The following CRYL1 variants were observed in gnomAD, a reference collection of about 807,000 sequenced individuals.
CRYL1 encodes crystallin lambda 1.
A neutral mutation model predicts 36.6 loss-of-function variants in CRYL1; 29 were observed. That is an observed-to-expected ratio of 0.79 (90% CI 0.59 to 1.08). The LOEUF is 1.08. Among genes scored for constraint, CRYL1 ranks in the 50% least tolerant of loss-of-function variants. CRYL1 has a pLI of 0.00. For synonymous variants in CRYL1, 152 were observed against 151.5 expected, an observed-to-expected ratio of 1.00 and a Z score of -0.02; for missense variants, 411 against 407.9, an observed-to-expected ratio of 1.01 and a Z score of -0.06.
chr13:20,522,220 C>T (rs9506507), intron 1 of CRYL1, among the ~76,000 whole-genome samples: 93,626 of 151,922 alleles, frequency 0.62, 33,026 homozygotes, highest in Non-Finnish European at 0.78. Context: ...AATGGTGGTT[C>T]GTGCCTGTAG....
chr13:20,427,465 C>G (rs895649308), intron 5 of CRYL1, among the ~76,000 whole-genome samples: 1 of 152,068 alleles, frequency 6.6e-6, no homozygotes, highest in Non-Finnish European at 1.5e-5. Context: ...GACAGGGGAG[C>G]GTCTCATAGC....
chr13:20,480,538 T>G (rs1028019150), intron 3 of CRYL1, among the ~76,000 whole-genome samples: 2 of 152,240 alleles, frequency 1.3e-5, no homozygotes, highest in African/African-American at 4.8e-5. Flanking sequence ...TCTAACATTC[T>G]GCTCCAGCAC....
intron 3 of CRYL1, among the ~76,000 whole-genome samples, chr13:20,448,850 A>G (rs1202956434): frequency 2.9e-5 from 4 of 139,254 alleles, no homozygotes; most frequent in Admixed American, 2.9e-4. Flanking sequence ...GTGATATCAG[A>G]CAGAAAATTG....
intron 3 of CRYL1, among the ~76,000 whole-genome samples, chr13:20,470,556 A>G (rs7985193): frequency 0.024 from 3,668 of 152,262 alleles, 149 homozygotes; most frequent in African/African-American, 0.082. Flanking sequence ...CAGATTTTGA[A>G]TGGTGACATT....
intron 3 of CRYL1, chr13:20,477,034 G>C (rs1056265650): frequency 4.6e-5 from 7 of 152,310 alleles, no homozygotes; most frequent in African/African-American, 9.6e-5. Flanking sequence ...GGTGGCGGGC[G>C]CCTGTAGTCC....
intron 3 of CRYL1, among the ~76,000 whole-genome samples, chr13:20,484,789 A>T (rs543137784): frequency 1.3e-5 from 2 of 152,216 alleles, no homozygotes; most frequent in Non-Finnish European, 2.9e-5. Flanking sequence ...AATACACAAA[A>T]ATCTTCAGTA....
chr13:20,483,878 G>A (rs111433684), intron 3 of CRYL1, among the ~76,000 whole-genome samples: 4,354 of 152,030 alleles, frequency 0.029, 180 homozygotes, highest in Admixed American at 0.12. Flanking sequence ...GTGCAGTGGC[G>A]CGATCTTGGC....
At chr13:20,513,987 A>T (rs1388228792) in intron 1 of CRYL1, among the ~76,000 whole-genome samples, 1 of 152,172 alleles carries the variant, frequency 6.6e-6, no homozygotes, top group Non-Finnish European at 1.5e-5. Context: ...CCCAATGGCC[A>T]AAGCTGGAAC....
intron 3 of CRYL1, among the ~76,000 whole-genome samples, chr13:20,453,605 A>G (rs918000971): frequency 6.6e-6 from 1 of 152,132 alleles, no homozygotes; most frequent in Non-Finnish European, 1.5e-5. Context: ...AGAAACTGAA[A>G]AAAAGCAAAT....
At chr13:20,478,895 G>A (rs1012250662) in intron 3 of CRYL1, among the ~76,000 whole-genome samples, 7 of 151,536 alleles carry the variant, frequency 4.6e-5, no homozygotes, top group African/African-American at 1.7e-4. Flanking sequence ...TGGGACTACA[G>A]GCATGCGCCA....
chr13:20,524,256 G>A (rs1047224886), intron 1 of CRYL1, among the ~76,000 whole-genome samples: 4 of 152,168 alleles, frequency 2.6e-5, no homozygotes, highest in Non-Finnish European at 4.4e-5. Context: ...GTGCGCGCAC[G>A]CATGCGTGTA....
intron 5 of CRYL1, among the ~76,000 whole-genome samples, chr13:20,429,029 G>A (rs963589999): frequency 2.6e-5 from 4 of 152,164 alleles, no homozygotes; most frequent in African/African-American, 9.7e-5. Flanking sequence ...ACACCAGTGA[G>A]TCCTAGAGGA....
In CRYL1 at chr13:20,525,573, G is replaced by T. The variant is rs1321243497; in HGVS notation, c.41+181C>A. On this transcript the variant is annotated intron_variant, in intron 1 of 7. Coordinates refer to ENST00000298248, the MANE Select transcript of CRYL1 (RefSeq NM_015974.3). This position sits in a 1 kb window ranked among gnomAD's most constrained non-coding sequence, Gnocchi z 4.3. ...CGCCTCCACCTGCCAAGCCCCTCCA[G>T]CCGCGCCTCTCCCCGAGCCCGCCAG... Among the ~76,000 whole-genome samples, 1 of 152,070 alleles carries T rather than the reference G, an allele frequency of 6.6e-6. No individual in the cohort carries two copies. Among genetic ancestry groups the T allele is most frequent in the Non-Finnish European group, 1.5e-5 (1 of 67,980 alleles).
At chr13:20,495,350 C>G (rs1051179122) in intron 2 of CRYL1, among the ~76,000 whole-genome samples, 1 of 152,136 alleles carries the variant, frequency 6.6e-6, no homozygotes, top group Non-Finnish European at 1.5e-5. Flanking sequence ...AAAATACTGG[C>G]TCCTAACCAG....
intron 3 of CRYL1, among the ~76,000 whole-genome samples, chr13:20,467,896 C>A (rs915123258): frequency 6.6e-6 from 1 of 152,174 alleles, no homozygotes; most frequent in Non-Finnish European, 1.5e-5. Flanking sequence ...GAGCCGTGCG[C>A]CTGAGCTCCA....
chr13:20,511,152 A>G (rs1254260116), intron 2 of CRYL1, among the ~76,000 whole-genome samples: 1 of 152,074 alleles, frequency 6.6e-6, no homozygotes, highest in Non-Finnish European at 1.5e-5. Context: ...TGGTGCAATC[A>G]TAGCTCACTG....
chr13:20,407,242 TC>T (rs2031400802), intron 6 of CRYL1, among the ~76,000 whole-genome samples: 4 of 151,794 alleles, frequency 2.6e-5, no homozygotes, highest in African/African-American at 9.7e-5. Flanking sequence ...ATGAAGAGCC[TC>T]ACTGTCTGTG....
intron 5 of CRYL1, chr13:20,430,123 G>T (rs923237776): frequency 1.1e-6 from 1 of 880,054 alleles, no homozygotes; most frequent in Non-Finnish European, 1.4e-6. Context: ...CCCCACCCCT[G>T]CCAGGAGAGG....
chr13:20,482,400 C>T (rs7982082), intron 3 of CRYL1, among the ~76,000 whole-genome samples: 93,673 of 152,054 alleles, frequency 0.62, 29,936 homozygotes, highest in South Asian at 0.75. Context: ...GATAAGGCCT[C>T]GACATAGTGG....
Sources: gnomAD v4.1 joint callset for allele counts (sites outside exome capture counted in the v4.1 genomes callset) on GRCh38, gnomAD v4.1.1 for gene constraint, Gnocchi (gnomAD v3.1) non-coding constraint, MANE v1.5 for transcripts, NCBI Gene and HGNC (gene_info 2026-07-23, HGNC 2026-07-21) for gene names.